Variants in DDR2 observed in about 807,000 individuals in gnomAD.
DDR2 encodes the protein discoidin domain-containing receptor 2.
DDR2 carries 27 observed loss-of-function variants against 94.9 expected under a neutral mutation model. The ratio of observed to expected loss-of-function variants is 0.28; its 90% CI spans 0.21 to 0.39. The LOEUF (loss-of-function observed/expected upper bound fraction) is 0.39, where lower values mean the gene tolerates loss of function less well. Among genes scored for constraint, DDR2 ranks in the 10% least tolerant of loss-of-function variants. The probability of loss-of-function intolerance (pLI) is 1.00; values close to 1 mark genes in which losing one functional copy is unlikely to be tolerated. For missense variants in DDR2, 783 were observed against 1,076.0 expected (o/e 0.73, Z 3.81); for synonymous variants, 382 against 377.2 (o/e 1.01, Z -0.15).
intron 2 of DDR2, among the ~76,000 whole-genome samples, chr1:162,662,200 T>TTCATTCATTCATTCATTCAC (rs1227494572): frequency 1.3e-5 from 2 of 152,214 alleles, no homozygotes; most frequent in African/African-American, 2.4e-5. Context: ...GTACAATGTA[T>TTCATTCATTCATTCATTCAC]TCATTCATTC....
At chr1:162,712,067 C>T (rs370146598) in intron 2 of DDR2, among the ~76,000 whole-genome samples, 31 of 151,844 alleles carry the variant, frequency 2.0e-4, no homozygotes, top group African/African-American at 6.3e-4. Flanking sequence ...CACTTATCTC[C>T]CAAGGTTCCT....
At chr1:162,636,850 AGCATTTTT>A (rs923790201) in intron 1 of DDR2, among the ~76,000 whole-genome samples, 12 of 152,160 alleles carry the variant, frequency 7.9e-5, no homozygotes, top group African/African-American at 2.9e-4. Context: ...CAAATAATCT[AGCATTTTT>A]GCATTTTTTC....
chr1:162,777,357 A>G (rs1268916632), intron 16 of DDR2, among the ~76,000 whole-genome samples: 1 of 152,096 alleles, frequency 6.6e-6, no homozygotes, highest in Non-Finnish European at 1.5e-5. Context: ...TTAACTTAAC[A>G]TTTTATTATC....
intron 7 of DDR2, among the ~76,000 whole-genome samples, chr1:162,756,759 C>G (rs1429697063): frequency 6.6e-6 from 1 of 152,170 alleles, no homozygotes; most frequent in Admixed American, 6.5e-5. Context: ...CTCTTCTACT[C>G]CTAGTCACTT....
intron 14 of DDR2, 117 bp from the exon 15 acceptor site, chr1:162,775,535 C>G (rs1217061796): frequency 3.5e-6 from 4 of 1,133,098 alleles, no homozygotes; most frequent in African/African-American, 1.5e-5. Flanking sequence ...CAAAAGTTAT[C>G]CAAAGGGAAA....
chr1:162,677,058 ATAT>A (rs1294885913), intron 2 of DDR2, among the ~76,000 whole-genome samples: 1 of 152,172 alleles, frequency 6.6e-6, no homozygotes, highest in Non-Finnish European at 1.5e-5. Context: ...ACCAAAAACA[ATAT>A]TATGCGAGAT....
At chr1:162,718,977 C>T in intron 2 of DDR2, 60 bp from the exon 3 acceptor site, 1 of 1,520,058 alleles carries the variant, frequency 6.6e-7, no homozygotes, top group Non-Finnish European at 9.1e-7. Flanking sequence ...TTGGCAGTAT[C>T]TGCCTCACTC....
At chr1:162,656,662 C>T (rs551838225) in intron 2 of DDR2, among the ~76,000 whole-genome samples, 7 of 151,844 alleles carry the variant, frequency 4.6e-5, no homozygotes, top group African/African-American at 1.4e-4. Context: ...CTTGAGCCTT[C>T]ACAGTGTATA....
At chr1:162,708,077 A>G (rs1022336745) in intron 2 of DDR2, among the ~76,000 whole-genome samples, 1 of 152,126 alleles carries the variant, frequency 6.6e-6, no homozygotes, top group African/African-American at 2.4e-5. Flanking sequence ...AGAAGGTGAG[A>G]GGTCTCTGTC....
rs145423693 is a variant in DDR2, at chr1:162,643,878, C to T, written c.-192+11247C>T. ...TCATTGGGGTTGGGTACGGTTAGGG[C>T]AAGGAGAAGCCTGGGAAGGAGTTCT... On this transcript the variant is annotated intron_variant, in intron 1 of 17. Transcript: ENST00000367921. Among the ~76,000 whole-genome samples, 230 of 152,258 alleles carry T rather than the reference C, an allele frequency of 1.5e-3. 3 individuals carry two copies. Among genetic ancestry groups the T allele is most frequent in the African/African-American group, 5.2e-3 (215 of 41,540 alleles).
intron 2 of DDR2, among the ~76,000 whole-genome samples, chr1:162,703,781 C>G (rs16843678): frequency 6.6e-6 from 1 of 152,132 alleles, no homozygotes; most frequent in Non-Finnish European, 1.5e-5. Context: ...CTGGTTTTCA[C>G]GTCTAATGGA....
chr1:162,768,036 CCTCATTGAGTAATAA>C (rs1190660570), intron 11 of DDR2, among the ~76,000 whole-genome samples: 1 of 152,076 alleles, frequency 6.6e-6, no homozygotes, highest in Non-Finnish European at 1.5e-5. Context: ...TTTATATACA[CCTCATTGAGTAATAA>C]CTCATAGGCA....
In DDR2 at chr1:162,780,453, AGG is replaced by A; in HGVS notation, c.*208_*209del. ...TTTTTTTACATTAAAGAACTAAAAAAGGAAAAAAAAAAGCCTAGGGCAGATAC... is the reference window on the plus strand; with the variant it reads ...TTTTTTTACATTAAAGAACTAAAAAAAAAAAAAAAAGCCTAGGGCAGATAC... On this transcript the variant is annotated 3_prime_UTR_variant, in exon 18 of 18. Transcript: ENST00000367921. 1.5e-6 allele frequency: 1 copy of A among 646,396 alleles called. No individual in the cohort carries two copies. Among genetic ancestry groups the A allele is most frequent in the African/African-American group, 1.8e-5 (1 of 54,286 alleles). The allele number at this position is 646,396 out of a possible 1,614,324, so 40.0% of individuals were successfully genotyped here.
chr1:162,658,235 C>T (rs1362640240), intron 2 of DDR2, among the ~76,000 whole-genome samples: 4 of 152,106 alleles, frequency 2.6e-5, no homozygotes, highest in Admixed American at 1.3e-4. Flanking sequence ...CTTTCTAGGG[C>T]ATGAAGACAG....
chr1:162,666,018 A>G (rs1212997577), intron 2 of DDR2, among the ~76,000 whole-genome samples: 2 of 151,686 alleles, frequency 1.3e-5, no homozygotes, highest in African/African-American at 2.4e-5. Context: ...TTTTCTTTTC[A>G]CCACCCATAT....
chr1:162,714,800 C>T (rs1661084298), intron 2 of DDR2, among the ~76,000 whole-genome samples: 1 of 152,110 alleles, frequency 6.6e-6, no homozygotes, highest in African/African-American at 2.4e-5. Flanking sequence ...TGCTTATCAC[C>T]TGTAATAGCA....
chr1:162,707,341 C>T (rs1487227265), intron 2 of DDR2, among the ~76,000 whole-genome samples: 1 of 152,242 alleles, frequency 6.6e-6, no homozygotes, highest in East Asian at 1.9e-4. Flanking sequence ...GGATGGAGAA[C>T]AAACCAGTCT....
chr1:162,637,702 T>C (rs1656898035), intron 1 of DDR2, among the ~76,000 whole-genome samples: 2 of 152,244 alleles, frequency 1.3e-5, no homozygotes, highest in East Asian at 3.8e-4. Flanking sequence ...GAAAAATTTT[T>C]TTTCTGTGCA....
chr1:162,666,955 A>G (rs1658606172), intron 2 of DDR2, among the ~76,000 whole-genome samples: 1 of 148,426 alleles, frequency 6.7e-6, no homozygotes, highest in Non-Finnish European at 1.5e-5. Flanking sequence ...CAAACTCATA[A>G]ATATATATAT....
Sources: allele counts gnomAD v4.1 joint callset (sites outside exome capture counted in the v4.1 genomes callset), GRCh38; gene constraint gnomAD v4.1.1; transcripts MANE v1.5; gene names NCBI Gene and HGNC (gene_info 2026-07-23, HGNC 2026-07-21).